The following IL18RAP variants were observed in gnomAD, a reference collection of about 807,000 sequenced individuals.
IL18RAP encodes the protein interleukin-18 receptor accessory protein.
Under a neutral mutation model 58.1 loss-of-function variants are expected in IL18RAP, and 37 were observed. The observed-to-expected ratio is 0.64, with a 90% CI of 0.49 to 0.84. The LOEUF (loss-of-function observed/expected upper bound fraction) is 0.84, where lower values mean the gene tolerates loss of function less well. Ranked by LOEUF, IL18RAP falls within the 40% of genes least tolerant of loss-of-function variation. The pLI is 0.00. For synonymous variants in IL18RAP, 268 were observed against 257.5 expected, an observed-to-expected ratio of 1.04 and a Z score of -0.39; for missense variants, 667 against 704.8, an observed-to-expected ratio of 0.95 and a Z score of 0.61.
intron 3 of IL18RAP, among the ~76,000 whole-genome samples, chr2:102,426,377 C>A (rs759840270): frequency 6.6e-6 from 1 of 152,118 alleles, no homozygotes; most frequent in South Asian, 2.1e-4. Flanking sequence ...GTCTCTGGAG[C>A]ATTCCACAAT....
chr2:102,423,835 G>C lies in IL18RAP; in HGVS notation c.95G>C (p.Trp32Ser). ...ISGCSTKKLL[W>S]TYSTRSEEEF... is the part of the protein sequence containing the mutation. Reference sequence around the variant, plus strand: ...GGTTGTTCCACAAAAAAACTCCTTTGGACATATTCTACAAGGAGTGAAGAG... The same window carrying C: ...GGTTGTTCCACAAAAAAACTCCTTTCGACATATTCTACAAGGAGTGAAGAG... Residue 32 changes from tryptophan to serine, a missense_variant, in exon 2 of 10, where the codon TGG (tryptophan) becomes TCG (serine). Physicochemically the swap from Trp to Ser is radical, Grantham distance 177. Coordinates refer to ENST00000687160, the MANE Select transcript of IL18RAP (RefSeq NM_001393487.1). 6.2e-7 allele frequency: 1 copy of C among 1,613,420 alleles called. No individual in the cohort carries two copies. The highest frequency in any genetic ancestry group is 1.1e-5 in the South Asian group (1 of 91,038).
intron 8 of IL18RAP, among the ~76,000 whole-genome samples, chr2:102,450,077 T>A (rs943619250): frequency 1.3e-5 from 2 of 152,142 alleles, no homozygotes; most frequent in Non-Finnish European, 2.9e-5. Context: ...TGACAGGGAT[T>A]GTGGAAATTG....
At chr2:102,442,589 T>C (rs190563290) in intron 5 of IL18RAP, among the ~76,000 whole-genome samples, 1 of 152,292 alleles carries the variant, frequency 6.6e-6, no homozygotes, top group African/African-American at 2.4e-5. Flanking sequence ...AGTATTCAAA[T>C]GGAGCTCCTA....
chr2:102,425,943 T>C (rs1681911328), intron 3 of IL18RAP, among the ~76,000 whole-genome samples: 1 of 152,200 alleles, frequency 6.6e-6, no homozygotes, highest in Non-Finnish European at 1.5e-5. Context: ...ATGTGTTTAA[T>C]GGTGAACAGG....
At chr2:102,430,213 A>T (rs1426213866) in intron 3 of IL18RAP, among the ~76,000 whole-genome samples, 3 of 152,016 alleles carry the variant, frequency 2.0e-5, no homozygotes, top group African/African-American at 7.2e-5. Flanking sequence ...TCATTTAATA[A>T]ATGCGTTATA....
intron 3 of IL18RAP, among the ~76,000 whole-genome samples, chr2:102,431,974 G>T (rs1682393548): frequency 6.6e-6 from 1 of 151,786 alleles, no homozygotes; most frequent in Non-Finnish European, 1.5e-5. Context: ...TCTTTTGATG[G>T]TGACATATTT....
At position 102,451,006 on chromosome 2, in the gene IL18RAP, G is replaced by A. The variant is rs771273224; in HGVS notation, c.1369G>A (p.Val457Met). 1.3e-6 allele frequency: 2 copies of A among 1,599,448 alleles called. No homozygotes were observed. The highest frequency in any genetic ancestry group is 1.7e-6 in the Non-Finnish European group (2 of 1,174,310). ...GYSLCLLERD[V>M]APGGVYAEDI... Reference sequence around the variant, plus strand: ...TAGCCTGTGTTTGCTTGAAAGAGATGTGGCTCCAGGAGGAGGTAAGTCCAA... The same window carrying A: ...TAGCCTGTGTTTGCTTGAAAGAGATATGGCTCCAGGAGGAGGTAAGTCCAA... Residue 457 changes from valine (V) to methionine (M), a missense_variant, in exon 9 of 10, where the codon GTG becomes ATG. Val to Met is a conservative substitution (Grantham distance 21). Coordinates refer to ENST00000687160, the MANE Select transcript of IL18RAP (RefSeq NM_001393487.1).
At position 102,447,169 on chromosome 2, in the gene IL18RAP, T is replaced by A. The variant is rs1374994599; in HGVS notation, c.1172T>A (p.Leu391Gln). 9 of 1,614,054 alleles carry A rather than the reference T, an allele frequency of 5.6e-6. No homozygotes were observed. The highest frequency in any genetic ancestry group is 6.8e-6 in the Non-Finnish European group (8 of 1,180,020). Reference sequence around the variant, plus strand: ...AGGCACTGGATTGAAATAGTGCTGCTGTACCGGACCTACCAGAGCAAGGAT... The same window carrying A: ...AGGCACTGGATTGAAATAGTGCTGCAGTACCGGACCTACCAGAGCAAGGAT... ...LYRHWIEIVLLYRTYQSKDQT... is the reference protein window; with the variant it reads ...LYRHWIEIVLQYRTYQSKDQT... Residue 391 changes from leucine to glutamine, a missense_variant, in exon 8 of 10, where the codon CTG becomes CAG. Transcript: ENST00000687160.
chr2:102,449,579 T>G (rs1683638903), intron 8 of IL18RAP, among the ~76,000 whole-genome samples: 1 of 152,186 alleles, frequency 6.6e-6, no homozygotes, highest in African/African-American at 2.4e-5. Context: ...GTGCCCTCTG[T>G]TGGCCAACCT....
rs1683718373 is a variant in IL18RAP, at chr2:102,450,851, A to C, written c.1214A>C (p.Lys405Thr). 1 of 1,573,054 alleles carries C rather than the reference A, an allele frequency of 6.4e-7. No homozygotes were observed. The highest frequency in any genetic ancestry group is 8.6e-7 in the Non-Finnish European group (1 of 1,164,780). Residue 405 changes from lysine to threonine, a missense_variant, in exon 9 of 10, where the codon AAA becomes ACA. Transcript: ENST00000687160. ...TATAAATTTTCCTATTCTTCAGATA[A>C]AAAGGATTTTGATGCTTTCGTATCC... is the stretch of plus-strand genomic sequence containing the variant. ...YQSKDQTLGDKKDFDAFVSYA... is the reference protein window; with the variant it reads ...YQSKDQTLGDTKDFDAFVSYA...
At chr2:102,426,667 G>C (rs1681964572) in intron 3 of IL18RAP, among the ~76,000 whole-genome samples, 1 of 152,018 alleles carries the variant, frequency 6.6e-6, no homozygotes, top group Admixed American at 6.6e-5. Flanking sequence ...AAAAAGTATT[G>C]ATGTGATGTT....
At position 102,423,974 on chromosome 2, in the gene IL18RAP, C is replaced by A; in HGVS notation, c.234C>A (p.Asp78Glu). Residue 78 changes from aspartate to glutamate, a missense_variant, in exon 2 of 10, where the codon GAC (aspartate) becomes GAA (glutamate). Physicochemically the swap from Asp to Glu is conservative, Grantham distance 45. Coordinates refer to ENST00000687160, the MANE Select transcript of IL18RAP (RefSeq NM_001393487.1). ...ACCTGCCCTTCATGGGTAGTAACGA[C>A]CTATCTGATGTCCAATGGTACCAAC... ...PEHLPFMGSN[D>E]LSDVQWYQQP... 6.2e-7 allele frequency: 1 copy of A among 1,614,040 alleles called. No individual in the cohort carries two copies. Among genetic ancestry groups the A allele is most frequent in the Non-Finnish European group, 8.5e-7 (1 of 1,179,996 alleles).
chr2:102,436,091 C>T (rs925880969), intron 3 of IL18RAP, among the ~76,000 whole-genome samples: 6 of 152,112 alleles, frequency 3.9e-5, no homozygotes, highest in African/African-American at 1.4e-4. Flanking sequence ...AATTTCTTTT[C>T]TTTGATATTT....
chr2:102,435,305 G>A (rs1040935267), intron 3 of IL18RAP: 1 of 152,236 alleles, frequency 6.6e-6, no homozygotes, highest in African/African-American at 2.4e-5. Flanking sequence ...AGGACAGAAA[G>A]AAGTGGAAAC....
In IL18RAP at chr2:102,438,521, A is replaced by AC. The variant is rs762902794; in HGVS notation, c.730+1163dup. Among the ~76,000 whole-genome samples, 11 of 152,278 alleles carry AC rather than the reference A, an allele frequency of 7.2e-5. No individual in the cohort carries two copies. The East Asian group carries it at 2.1e-3, about 29-fold the overall frequency. On this transcript the variant is annotated intron_variant, in intron 4 of 9. Transcript: ENST00000687160. ...TTGAAAGAGAAGTTAGAATGTAAAT[A>AC]CCCCACTCGCACCACTTTTCCCCTC...
chr2:102,440,644 G>A (rs1389037216), intron 4 of IL18RAP, among the ~76,000 whole-genome samples: 2 of 146,342 alleles, frequency 1.4e-5, no homozygotes, highest in African/African-American at 5.6e-5. Flanking sequence ...GAGAGAGGGA[G>A]AGAGAGACAA....
rs201832137 is a variant in IL18RAP at position 102,424,091 on chromosome 2, G to A, written c.351G>A (p.Gly117=). The change falls in exon 2 of 10, where the codon GGG becomes GGA. Residue 117 remains glycine, a synonymous_variant. Transcript: ENST00000687160. The part of the protein sequence containing the change: ...DKCTLHFLTP[G]VNNSGSYICR... ...GTACCCTTCACTTTTTGACCCCAGG[G>A]GTGAATAATTCTGGGTCATATATTT... is the stretch of plus-strand genomic sequence containing the variant. The A allele has an allele frequency of 6.2e-7, 1 of 1,613,602 alleles. No individual in the cohort carries two copies. The highest frequency in any genetic ancestry group is 2.2e-5 in the East Asian group (1 of 44,886).
At chr2:102,424,204 G>A (rs199766970) in intron 2 of IL18RAP, 27 bp from the exon 3 acceptor site, 8 of 1,611,684 alleles carry the variant, frequency 5.0e-6, no homozygotes, top group Non-Finnish European at 6.8e-6. Context: ...AAATATCTAT[G>A]TTCACAGGAT....
intron 1 of IL18RAP, 22 bp from the exon 2 acceptor site, chr2:102,423,789 C>T (rs2272129): frequency 0.75 from 1,163,894 of 1,551,404 alleles, 443,825 homozygotes; most frequent in African/African-American, 0.9. Flanking sequence ...TTTCCATGTG[C>T]TTTGTTTATT....
Sources: allele counts gnomAD v4.1 joint callset (sites outside exome capture counted in the v4.1 genomes callset), GRCh38; gene constraint gnomAD v4.1.1; transcripts MANE v1.5; gene names NCBI Gene and HGNC (gene_info 2026-07-23, HGNC 2026-07-21).